Variants in TSBP1 observed in about 807,000 individuals in gnomAD.
TSBP1 encodes the protein testis-expressed basic protein 1.
A neutral mutation model predicts 68.8 loss-of-function variants in TSBP1; 56 were observed. The ratio of observed to expected loss-of-function variants is 0.81; its 90% CI spans 0.66 to 1.02. The LOEUF is 1.02. Among genes scored for constraint, TSBP1 ranks in the 50% least tolerant of loss-of-function variants. The pLI, the probability that TSBP1 is intolerant of heterozygous loss-of-function variation, is 0.00. For missense variants in TSBP1, 502 were observed against 641.2 expected (o/e 0.78, Z 2.34); for synonymous variants, 171 against 208.7 (o/e 0.82, Z 1.56).
chr6:32,301,980 A>AATAATAATG (rs1370147067), intron 20 of TSBP1, among the ~76,000 whole-genome samples: 2 of 149,186 alleles, frequency 1.3e-5, no homozygotes, highest in African/African-American at 4.9e-5. Context: ...TAATAATAAT[A>AATAATAATG]ATAATAATAA....
Position 32,314,241 on chromosome 6 carries a change from A to G in TSBP1, c.580+1531T>C, listed in dbSNP as rs1477171438. ...AGCCAGCCAAAAATGAGGTGTTATA[A>G]ACCCTAGTTACTTTGGCATTCCTTT... On this transcript the variant is annotated intron_variant, in intron 19 of 22. Coordinates refer to ENST00000612031, the Ensembl canonical transcript of TSBP1. The surrounding 1 kb of genome is among the most constrained non-coding windows in gnomAD (Gnocchi z 4.2). Among the ~76,000 whole-genome samples the G allele has an allele frequency of 6.6e-6, 1 of 152,110 alleles. No homozygotes were observed.
At chr6:32,360,987 G>A (rs964051400) in intron 6 of TSBP1, among the ~76,000 whole-genome samples, 15 of 151,430 alleles carry the variant, frequency 9.9e-5, no homozygotes, top group African/African-American at 2.7e-4. Context: ...CCATTAACTC[G>A]TCATTTACAT....
chr6:32,299,457 T>C (rs1765065503), intron 22 of TSBP1, among the ~76,000 whole-genome samples: 1 of 152,222 alleles, frequency 6.6e-6, no homozygotes, highest in Non-Finnish European at 1.5e-5. Flanking sequence ...AAGTTCTAAA[T>C]TCCCAGCAAA....
intron 9 of TSBP1, among the ~76,000 whole-genome samples, chr6:32,342,816 G>A (rs899378179): frequency 5.3e-4 from 81 of 152,144 alleles, no homozygotes; most frequent in African/African-American, 1.8e-3. Context: ...CTCCCTTGAA[G>A]GTAGGCTGTG....
chr6:32,338,089 G>A lies in TSBP1; in HGVS notation c.409+890C>T, dbSNP rs1323374815. 6.6e-6 allele frequency among the ~76,000 whole-genome samples: 1 copy of A among 152,130 alleles called. No individual in the cohort carries two copies. Among genetic ancestry groups the A allele is most frequent in the Non-Finnish European group, 1.5e-5 (1 of 68,018 alleles). ...TTGGCTTTAAGGTCACTCTTGGTGT[G>A]GGGAATCTGCAGGGCTGGAAAAGCT... is the stretch of plus-strand genomic sequence containing the variant. On this transcript the variant is annotated intron_variant, in intron 11 of 22. Coordinates refer to ENST00000612031, the Ensembl canonical transcript of TSBP1. This position sits in a 1 kb window ranked among gnomAD's most constrained non-coding sequence, Gnocchi z 5.5.
intron 16 of TSBP1, among the ~76,000 whole-genome samples, chr6:32,327,654 C>CTTTTATTTTCTTTCTTTCTTTTTTTTTTT (rs70993815): frequency 6.8e-6 from 1 of 146,992 alleles, no homozygotes; most frequent in Non-Finnish European, 1.5e-5. Context: ...TTTTCTTTTT[C>CTTTTATTTTCTTTCTTTCTTTTTTTTTTT]TTTTTTTTTT....
At chr6:32,305,148 G>C (rs1765672830) in intron 19 of TSBP1, among the ~76,000 whole-genome samples, 1 of 152,046 alleles carries the variant, frequency 6.6e-6, no homozygotes, top group African/African-American at 2.4e-5. Context: ...AGCATGACAA[G>C]ATTACGAAGG....
chr6:32,339,658 G>A lies in TSBP1; in HGVS notation c.350-20C>T, dbSNP rs778431039. The A allele has an allele frequency of 4.7e-6, 5 of 1,070,260 alleles. No individual in the cohort carries two copies. Among genetic ancestry groups the A allele is most frequent in the South Asian group, 2.8e-5 (2 of 71,948 alleles). 66.3% of individuals were successfully genotyped at this position (1,070,260 alleles called of 1,614,324 possible). ...TACTACCTATAATAAAAATTGAAAA[G>A]TGTAACATTATTTAGATTTAGACTT... On this transcript the variant is annotated intron_variant, in intron 9 of 22. Coordinates refer to ENST00000612031, the Ensembl canonical transcript of TSBP1.
chr6:32,347,034 C>T (rs1291380824), intron 9 of TSBP1, among the ~76,000 whole-genome samples: 1 of 152,130 alleles, frequency 6.6e-6, no homozygotes, highest in Non-Finnish European at 1.5e-5. Flanking sequence ...GATATGTTAA[C>T]AGCTTGATTT....
At position 32,301,714 on chromosome 6, in the gene TSBP1, A is replaced by ATTTT. The variant is rs1562061068; in HGVS notation, c.601+894_601+895insAAAA. On this transcript the variant is annotated intron_variant, in intron 20 of 22. Transcript: ENST00000612031. ...GGGTGAGTGAAACGCTGTTTTAAAA[A>ATTTT]AAAAAAAAAAGCACAGAATAATAAG... Among the ~76,000 whole-genome samples, 237 of 151,714 alleles carry ATTTT rather than the reference A, an allele frequency of 1.6e-3. 2 individuals are homozygous for ATTTT. Among genetic ancestry groups the ATTTT allele is most frequent in the African/African-American group, 4.6e-3 (192 of 41,412 alleles).
intron 4 of TSBP1, among the ~76,000 whole-genome samples, chr6:32,367,269 G>A (rs9767678): frequency 1.3e-5 from 2 of 151,598 alleles, no homozygotes; most frequent in Non-Finnish European, 2.9e-5. Context: ...GAGAGAAAGA[G>A]AGAGAGAGAC....
chr6:32,351,825 ATC>A (rs2127633142), intron 8 of TSBP1, among the ~76,000 whole-genome samples: 1 of 152,228 alleles, frequency 6.6e-6, no homozygotes, highest in African/African-American at 2.4e-5. Context: ...TAAAAAGTTA[ATC>A]TCACACCTAT....
intron 10 of TSBP1, 131 bp downstream of exon 11, chr6:32,339,469 G>A: frequency 1.3e-6 from 1 of 742,848 alleles, no homozygotes. Context: ...TCTGGTAGCA[G>A]GCACATTATA....
At chr6:32,356,522 C>T (rs1182509943) in intron 6 of TSBP1, among the ~76,000 whole-genome samples, 1 of 152,070 alleles carries the variant, frequency 6.6e-6, no homozygotes, top group African/African-American at 2.4e-5. Context: ...GAGTTCGAGA[C>T]CAGCCTGGCC....
rs117705671 is a variant in TSBP1, at chr6:32,344,681, T to C, written c.350-5043A>G. ...GGAGCATCAAATCCTCTATGCCAGCTGTAGTGTGATTTTTTCATGGATTGT... is the reference window on the plus strand; with the variant it reads ...GGAGCATCAAATCCTCTATGCCAGCCGTAGTGTGATTTTTTCATGGATTGT... On this transcript the variant is annotated intron_variant, in intron 9 of 22. Coordinates refer to ENST00000612031, the Ensembl canonical transcript of TSBP1. Among the ~76,000 whole-genome samples, 365 of 152,208 alleles carry C rather than the reference T, an allele frequency of 2.4e-3. 14 individuals are homozygous for C. The East Asian group carries it at 0.063, about 26-fold the overall frequency.
exon 9 of TSBP1, chr6:32,349,811 A>G: frequency 6.2e-7 from 1 of 1,604,270 alleles, no homozygotes; most frequent in Non-Finnish European, 8.5e-7. Context: ...TCCCAGGGAG[A>G]ACTTAGATGC....
chr6:32,333,572 A>G lies in TSBP1; in HGVS notation c.473-1518T>C, dbSNP rs181971823. On this transcript the variant is annotated intron_variant, in intron 14 of 22. Transcript: ENST00000612031. The surrounding 1 kb of genome is among the most constrained non-coding windows in gnomAD (Gnocchi z 4.2). The stretch of plus-strand genomic sequence containing the variant: ...CAACTGACAGAAGGCCAAACAGAAT[A>G]GGTCCTAGGTGGCTATGTGGACACC... Among the ~76,000 whole-genome samples the G allele has an allele frequency of 1.5e-3, 223 of 145,180 alleles. 1 individual carries two copies. The highest frequency in any genetic ancestry group is 1.4e-3 in the Non-Finnish European group (92 of 64,774).
At chr6:32,369,478 C>A (rs1774146200) in intron 2 of TSBP1, among the ~76,000 whole-genome samples, 1 of 149,366 alleles carries the variant, frequency 6.7e-6, no homozygotes, top group Admixed American at 6.7e-5. Flanking sequence ...TCAAACAATT[C>A]TCCTGCCTCA....
In TSBP1 at chr6:32,315,817, C is replaced by G; in HGVS notation, c.560-25G>C. On this transcript the variant is annotated intron_variant, in intron 18 of 22. Coordinates refer to ENST00000612031, the Ensembl canonical transcript of TSBP1. The surrounding 1 kb of genome is among the most constrained non-coding windows in gnomAD (Gnocchi z 5.4). Reference sequence around the variant, plus strand: ...ACTAAAAAATAAGCAAAAAGAAATCCATTTAATTTTTCTCAAATGGAGAAA... The same window carrying G: ...ACTAAAAAATAAGCAAAAAGAAATCGATTTAATTTTTCTCAAATGGAGAAA... The G allele has an allele frequency of 6.9e-7, 1 of 1,440,242 alleles. No homozygotes were observed. Among genetic ancestry groups the G allele is most frequent in the Non-Finnish European group, 9.4e-7 (1 of 1,065,212 alleles). 89.2% of individuals were successfully genotyped at this position (1,440,242 alleles called of 1,614,324 possible).
Sources: allele counts gnomAD v4.1 joint callset (sites outside exome capture counted in the v4.1 genomes callset), GRCh38; gene constraint gnomAD v4.1.1; non-coding constraint Gnocchi (gnomAD v3.1); transcripts MANE v1.5; gene names NCBI Gene and HGNC (gene_info 2026-07-23, HGNC 2026-07-21).